The following FKBP15 variants were observed in gnomAD, a reference collection of about 807,000 sequenced individuals.
The protein encoded by FKBP15 is FKBP prolyl isomerase family member 15.
In FKBP15, 106 loss-of-function variants were observed where a neutral mutation model predicts 158.1. The observed-to-expected ratio is 0.67, with a 90% CI of 0.57 to 0.79. The LOEUF (loss-of-function observed/expected upper bound fraction) is 0.79, where lower values mean the gene tolerates loss of function less well. Among genes scored for constraint, FKBP15 ranks in the 30% least tolerant of loss-of-function variants. FKBP15 has a pLI of 0.00. For missense variants in FKBP15, 1,287 were observed against 1,479.1 expected, an observed-to-expected ratio of 0.87 and a Z score of 2.13; for synonymous variants, 547 against 548.6, an observed-to-expected ratio of 1.00 and a Z score of 0.04.
chr9:113,185,114 A>T (rs1440760827), intron 15 of FKBP15, among the ~76,000 whole-genome samples: 1 of 152,232 alleles, frequency 6.6e-6, no homozygotes, highest in African/African-American at 2.4e-5. Flanking sequence ...CCGTTCATCC[A>T]ACTGTATGCC....
At chr9:113,175,952 T>G (rs1439306327) in intron 21 of FKBP15, among the ~76,000 whole-genome samples, 5 of 152,210 alleles carry the variant, frequency 3.3e-5, no homozygotes, top group Admixed American at 3.3e-4. Flanking sequence ...CCTGGTAATA[T>G]TTATAAAAAT....
rs1201405725 is a variant in FKBP15 at position 113,191,208 on chromosome 9, T to C, written c.1066-630A>G. On this transcript the variant is annotated intron_variant, in intron 11 of 27. Transcript: ENST00000238256. Reference sequence around the variant, plus strand: ...TTTTTTTTTTTTGAGATGGGTTCTCTATCACCCAGGTTGGAGTGCAGTGGC... The same window carrying C: ...TTTTTTTTTTTTGAGATGGGTTCTCCATCACCCAGGTTGGAGTGCAGTGGC... Among the ~76,000 whole-genome samples, 39 of 151,890 alleles carry C rather than the reference T, an allele frequency of 2.6e-4. 1 individual carries two copies. Among genetic ancestry groups the C allele is most frequent in the Admixed American group, 2.6e-3 (39 of 15,248 alleles).
chr9:113,196,693 C>G (rs1830692225), intron 9 of FKBP15, among the ~76,000 whole-genome samples: 1 of 152,078 alleles, frequency 6.6e-6, no homozygotes, highest in Non-Finnish European at 1.5e-5. Context: ...GAAGATGTGA[C>G]TTTCTTAAAG....
chr9:113,202,236 T>G (rs1830805827), intron 6 of FKBP15, among the ~76,000 whole-genome samples: 2 of 149,418 alleles, frequency 1.3e-5, no homozygotes, highest in South Asian at 4.2e-4. Flanking sequence ...TTAAAGATAG[T>G]TTTATTTATT....
intron 4 of FKBP15, among the ~76,000 whole-genome samples, chr9:113,203,896 C>G (rs1011065845): frequency 6.6e-6 from 1 of 152,168 alleles, no homozygotes; most frequent in Admixed American, 6.5e-5. Flanking sequence ...GCTTCTTTCA[C>G]TCACCGTATC....
intron 8 of FKBP15, among the ~76,000 whole-genome samples, chr9:113,197,454 G>GGTCA (rs1235142381): frequency 6.6e-6 from 1 of 152,132 alleles, no homozygotes; most frequent in Non-Finnish European, 1.5e-5. Context: ...GATCACCTGA[G>GGTCA]GTCAGGGGTT....
At position 113,169,487 on chromosome 9, in the gene FKBP15, T is replaced by A. The variant is rs889720622; in HGVS notation, c.3222A>T (p.Pro1074=). ...CTTCCCTGACACAGACCTTTCCTGA[T>A]GGGTTGTCGGGCTTAGCTGCCATTG... ...ASPMAAKPDN[P]SGKVCVREVA... is the part of the protein sequence containing the mutation. The change falls in exon 26 of 28, where the codon CCA becomes CCT. Residue 1074 remains proline, a synonymous_variant. Coordinates refer to ENST00000238256, the MANE Select transcript of FKBP15 (RefSeq NM_015258.2). 2.5e-6 allele frequency: 4 copies of A among 1,614,030 alleles called. No individual in the cohort carries two copies. Among genetic ancestry groups the A allele is most frequent in the South Asian group, 2.2e-5 (2 of 91,086 alleles).
chr9:113,199,511 A>C (rs1830746712), intron 7 of FKBP15, among the ~76,000 whole-genome samples: 1 of 152,238 alleles, frequency 6.6e-6, no homozygotes, highest in Non-Finnish European at 1.5e-5. Flanking sequence ...TCCCATAAGA[A>C]TATATTCAAG....
rs761883813 is a variant in FKBP15 at position 113,163,960 on chromosome 9, C to G, written c.*2118G>C. 4 of 152,500 alleles carry G rather than the reference C, an allele frequency of 2.6e-5. No homozygotes were observed. Among genetic ancestry groups the G allele is most frequent in the Non-Finnish European group, 5.9e-5 (4 of 68,028 alleles). The allele number at this position is 152,500 out of a possible 1,614,324, so 9.4% of individuals were successfully genotyped here. On this transcript the variant is annotated 3_prime_UTR_variant, in exon 28 of 28. Transcript: ENST00000238256. ...AGATGCAATCCAACCAAAGCCATTA[C>G]ATTTTTTGAGTTAGATGGGACTCTC...
rs1830064420 is a variant in FKBP15 at position 113,164,268 on chromosome 9, A to C, written c.*1810T>G. The C allele has an allele frequency of 7.3e-6, 1 of 136,912 alleles. No individual in the cohort carries two copies. The highest frequency in any genetic ancestry group is 1.7e-5 in the Non-Finnish European group (1 of 60,202). The allele number at this position is 136,912 out of a possible 1,614,324, so 8.5% of individuals were successfully genotyped here. A position where few individuals can be genotyped will look rare whatever the true frequency, so the allele number is the denominator to read the frequency against. On this transcript the variant is annotated 3_prime_UTR_variant, in exon 28 of 28. Coordinates refer to ENST00000238256, the MANE Select transcript of FKBP15 (RefSeq NM_015258.2). ...GCCTGTCTGAGGACAGAGTCCATCC[A>C]TCTGCTACAAAGACAACTCTGCTCA...
rs1172555874 is a variant in FKBP15, at chr9:113,182,799, T to C, written c.1881A>G (p.Thr627=). Residue 627 remains threonine (T), a synonymous_variant, in exon 19 of 28, where the codon ACA becomes ACG. Coordinates refer to ENST00000238256, the MANE Select transcript of FKBP15 (RefSeq NM_015258.2). ...NNSLQTATEN[T]QARVLHAEQE... ...GTTCAGCATGCAATACTCTTGCCTG[T>C]GTGTTTTCTGTGGCTGTCTGAAGTG... 3.1e-6 allele frequency: 5 copies of C among 1,613,810 alleles called. No individual in the cohort carries two copies. Among genetic ancestry groups the C allele is most frequent in the African/African-American group, 2.7e-5 (2 of 75,040 alleles).
chr9:113,206,019 GGAA>G (rs1402677333), intron 4 of FKBP15: 1 of 152,280 alleles, frequency 6.6e-6, no homozygotes, highest in African/African-American at 2.4e-5. Context: ...CTGGGAAAAA[GGAA>G]GAAGTAGAGT....
Position 113,193,557 on chromosome 9 carries a change from C to G in FKBP15, c.1008-8G>C. On this transcript the variant is annotated splice_polypyrimidine_tract_variant and splice_region_variant and intron_variant, in intron 10 of 27. Transcript: ENST00000238256. ...GTACGAAGAGCTGGCTCCCTGAAAG[C>G]AAATAGACCATATTCCAAGATTGAA... 1 of 1,593,092 alleles carries G rather than the reference C, an allele frequency of 6.3e-7. No individual in the cohort carries two copies. The highest frequency in any genetic ancestry group is 8.6e-7 in the Non-Finnish European group (1 of 1,168,430).
chr9:113,168,452 T>C lies in FKBP15; in HGVS notation c.3582+8A>G. The stretch of plus-strand genomic sequence containing the variant: ...GTGAGGACTTGACAGTGCCTGGGAT[T>C]TCCTTACCACCTCGTCTTCATCCTC... On this transcript the variant is annotated splice_region_variant and intron_variant, in intron 27 of 27. Transcript: ENST00000238256. 1 of 1,613,350 alleles carries C rather than the reference T, an allele frequency of 6.2e-7. No individual in the cohort carries two copies. Among genetic ancestry groups the C allele is most frequent in the African/African-American group, 1.3e-5 (1 of 74,994 alleles).
In FKBP15 at chr9:113,169,613, G is replaced by C. The variant is rs1228696356; in HGVS notation, c.3096C>G (p.Ile1032Met). Residue 1032 changes from isoleucine (I) to methionine (M), a missense_variant, in exon 26 of 28, where the codon ATC becomes ATG. Ile to Met is a conservative substitution (Grantham distance 10, BLOSUM62 1). Transcript: ENST00000238256. ...DGSLPPELSC[I>M]PSHRVLGPPT... Reference sequence around the variant, plus strand: ...GGGGCCCTAGAACTCTGTGGGATGGGATGCAAGACAGTTCGGGTGGAAGGG... The same window carrying C: ...GGGGCCCTAGAACTCTGTGGGATGGCATGCAAGACAGTTCGGGTGGAAGGG... 3 of 1,614,040 alleles carry C rather than the reference G, an allele frequency of 1.9e-6. No individual in the cohort carries two copies. Among genetic ancestry groups the C allele is most frequent in the Non-Finnish European group, 2.5e-6 (3 of 1,179,894 alleles).
At chr9:113,196,032 G>GCA (rs10546355) in intron 9 of FKBP15, among the ~76,000 whole-genome samples, 17 of 151,110 alleles carry the variant, frequency 1.1e-4, no homozygotes, top group East Asian at 3.9e-4. Flanking sequence ...ACACACACAT[G>GCA]CACACACACA....
chr9:113,218,010 T>TA (rs112001212), intron 1 of FKBP15, among the ~76,000 whole-genome samples: 3 of 150,880 alleles, frequency 2.0e-5, no homozygotes, highest in East Asian at 3.9e-4. Flanking sequence ...TTAACTACAT[T>TA]AAAAAAAAAT....
At chr9:113,199,990 A>C in intron 6 of FKBP15, 27 bp from the exon 7 acceptor site, 2 of 1,600,578 alleles carry the variant, frequency 1.2e-6, no homozygotes, top group Non-Finnish European at 1.7e-6. Flanking sequence ...AAGCAGCATA[A>C]ATGTAGTTTA....
At chr9:113,169,142 TGA>T (rs1202368470) in intron 26 of FKBP15, 80 bp downstream of exon 26, 54 of 1,489,320 alleles carry the variant, frequency 3.6e-5, no homozygotes, top group Non-Finnish European at 4.8e-5. Flanking sequence ...CTCTGAGGGA[TGA>T]GTTGCCAGCC....
Sources: gnomAD v4.1 joint callset for allele counts (sites outside exome capture counted in the v4.1 genomes callset) on GRCh38, gnomAD v4.1.1 for gene constraint, MANE v1.5 for transcripts, NCBI Gene and HGNC (gene_info 2026-07-23, HGNC 2026-07-21) for gene names.